Variants in NMNAT1 observed in about 807,000 individuals in gnomAD.
NMNAT1 encodes nicotinamide nucleotide adenylyltransferase 1.
In NMNAT1, 11 loss-of-function variants were observed where a neutral mutation model predicts 16.7. The observed-to-expected ratio is 0.66, with a 90% CI of 0.41 to 1.09. NMNAT1 has a LOEUF of 1.09. Ranked by LOEUF, NMNAT1 falls within the 50% of genes least tolerant of loss-of-function variation. NMNAT1 has a pLI of 0.00. For missense variants in NMNAT1, 280 were observed against 332.3 expected (o/e 0.84, Z 1.22); for synonymous variants, 110 against 119.8 (o/e 0.92, Z 0.53).
chr1:9,973,952 C>T (rs889444886), intron 2 of NMNAT1, among the ~76,000 whole-genome samples: 4 of 151,696 alleles, frequency 2.6e-5, no homozygotes, highest in African/African-American at 9.7e-5. Flanking sequence ...ATTCTTTTGC[C>T]TCAGCCTCCC....
chr1:9,958,503 G>C (rs559264884), intron 1 of NMNAT1, among the ~76,000 whole-genome samples: 1 of 150,662 alleles, frequency 6.6e-6, no homozygotes, highest in African/African-American at 2.4e-5. Context: ...GCAGTGGTGT[G>C]ATCTCAGCTC....
the NMNAT1 span, among the ~76,000 whole-genome samples, chr1:9,996,104 G>A: frequency 6.6e-6 from 1 of 152,088 alleles, no homozygotes; most frequent in Admixed American, 6.6e-5. Context: ...AAGGTCATGA[G>A]ATCGAGACCA....
At chr1:9,943,464 G>A (rs1640871824), upstream of NMNAT1, 1 of 152,418 alleles carries the variant, frequency 6.6e-6, no homozygotes, top group South Asian at 2.1e-4. Context: ...GCTGGCGTCC[G>A]GGCCGCTGGT....
intron 1 of NMNAT1, among the ~76,000 whole-genome samples, chr1:9,966,963 C>T (rs1641559663): frequency 6.6e-6 from 1 of 152,038 alleles, no homozygotes; most frequent in Admixed American, 6.6e-5. Flanking sequence ...GTGGCTCGAG[C>T]CTGTAATCCC....
chr1:9,968,103 G>A (rs1369178588), intron 1 of NMNAT1, among the ~76,000 whole-genome samples: 6 of 107,256 alleles, frequency 5.6e-5, no homozygotes, highest in Admixed American at 3.8e-4. Flanking sequence ...ATGGAGTCTC[G>A]CTCTGTTGCC....
chr1:9,972,178 G>A lies in NMNAT1; in HGVS notation c.105G>A (p.Met35Ile). ...LRLFELAKDY[M>I]NGTGRYTVVK... ...TGTTTGAGCTGGCCAAGGACTACAT[G>A]AATGGAACAGGTAGGAGCAGTAACC... Residue 35 changes from methionine to isoleucine, a missense_variant, in exon 2 of 5, where the codon ATG becomes ATA. By Grantham distance (10) the Met-to-Ile change is conservative. Coordinates refer to ENST00000377205, the MANE Select transcript of NMNAT1 (RefSeq NM_022787.4). 1 of 1,595,592 alleles carries A rather than the reference G, an allele frequency of 6.3e-7. No homozygotes were observed. The highest frequency in any genetic ancestry group is 8.6e-7 in the Non-Finnish European group (1 of 1,163,324).
In NMNAT1 at chr1:9,982,728, T is replaced by C. The variant is rs775092123; in HGVS notation, c.*27T>C. The C allele has an allele frequency of 6.4e-7, 1 of 1,555,024 alleles. No homozygotes were observed. Among genetic ancestry groups the C allele is most frequent in the Admixed American group, 2.0e-5 (1 of 50,718 alleles). ...AATTCTACAGCATGATATTTCAGAC[T>C]TCCCATTTGGGGATCTGAAACAATC... On this transcript the variant is annotated 3_prime_UTR_variant, in exon 5 of 5. Coordinates refer to ENST00000377205, the MANE Select transcript of NMNAT1 (RefSeq NM_022787.4).
At chr1:9,994,793 T>C in the NMNAT1 span, among the ~76,000 whole-genome samples, 4 of 151,882 alleles carry the variant, frequency 2.6e-5, no homozygotes, top group Admixed American at 2.0e-4. Context: ...TTTGTATTTT[T>C]AGTAGAGACA....
chr1:9,967,961 G>C (rs1641589427), intron 1 of NMNAT1, among the ~76,000 whole-genome samples: 1 of 151,972 alleles, frequency 6.6e-6, no homozygotes, highest in Admixed American at 6.6e-5. Flanking sequence ...GGACAACAGA[G>C]TGAGATACTG....
Position 9,982,566 on chromosome 1 carries a change from C to T in NMNAT1, c.705C>T (p.Ser235=). Residue 235 remains serine, a synonymous_variant, in exon 5 of 5, where the codon AGC becomes AGT. Transcript: ENST00000377205. ...GGAGAGCCCTCAGAAGGGGCCAGAG[C>T]ATTCGCTACTTGGTACCAGATCTTG... ...KIRRALRRGQ[S]IRYLVPDLVQ... is the part of the protein sequence containing the mutation. 1.2e-6 allele frequency: 2 copies of T among 1,614,188 alleles called. No homozygotes were observed. The highest frequency in any genetic ancestry group is 1.7e-6 in the Non-Finnish European group (2 of 1,180,044).
rs552473489 is a variant in NMNAT1, at chr1:9,948,802, A to G, written c.-57+5287A>G. On this transcript the variant is annotated intron_variant, in intron 1 of 4. Transcript: ENST00000377205. The stretch of plus-strand genomic sequence containing the variant: ...GTAGCTGGTACAGGCACCCGCCACC[A>G]TGCCTGGCTAATTTTTTGTATTTTT... 2.8e-4 allele frequency among the ~76,000 whole-genome samples: 43 copies of G among 151,646 alleles called. No individual in the cohort carries two copies. In the South Asian group the frequency reaches 7.7e-3, roughly 27 times the overall value.
chr1:9,957,904 TCA>T, intron 1 of NMNAT1, among the ~76,000 whole-genome samples: 2 of 152,324 alleles, frequency 1.3e-5, no homozygotes, highest in South Asian at 4.1e-4. Flanking sequence ...GGCGTGCCTG[TCA>T]CCCTCAGCCC....
At position 9,982,461 on chromosome 1, in the gene NMNAT1, G is replaced by A. The variant is rs757767085; in HGVS notation, c.600G>A (p.Ser200=). 8.1e-6 allele frequency: 13 copies of A among 1,613,976 alleles called. No individual in the cohort carries two copies. The highest frequency in any genetic ancestry group is 4.0e-5 in the African/African-American group (3 of 74,904). Residue 200 remains serine, a synonymous_variant, in exon 5 of 5, where the codon TCG becomes TCA. Transcript: ENST00000377205. ...ATGCTCAGAAGTTTATCTATGAATC[G>A]GATGTGCTGTGGAAACACCGGAGCA... The part of the protein sequence containing the change: ...GNDAQKFIYE[S]DVLWKHRSNI...
intron 2 of NMNAT1, among the ~76,000 whole-genome samples, chr1:9,973,278 G>A (rs901366910): frequency 2.6e-5 from 4 of 151,776 alleles, no homozygotes; most frequent in Non-Finnish European, 4.4e-5. Context: ...CACCACGCCC[G>A]GCTAATTTTT....
intron 1 of NMNAT1, among the ~76,000 whole-genome samples, chr1:9,959,748 A>C (rs1198238447): frequency 6.6e-6 from 1 of 152,148 alleles, no homozygotes; most frequent in Non-Finnish European, 1.5e-5. Flanking sequence ...TCTTCACTGT[A>C]AACTATTAAA....
intron 1 of NMNAT1, among the ~76,000 whole-genome samples, chr1:9,969,983 A>G (rs977831683): frequency 2.0e-5 from 3 of 152,168 alleles, no homozygotes; most frequent in Non-Finnish European, 4.4e-5. Flanking sequence ...ACATGCTTCA[A>G]GACAGGAAAA....
chr1:9,943,550 T>C (rs1640877463), intron 1 of NMNAT1, 35 bp downstream of exon 1: 1 of 152,274 alleles, frequency 6.6e-6, no homozygotes, highest in Non-Finnish European at 1.5e-5. Context: ...GAGAAACTGG[T>C]CGCTTTTTGT....
chr1:9,976,847 G>C (rs1306420425), intron 3 of NMNAT1, among the ~76,000 whole-genome samples: 1 of 150,914 alleles, frequency 6.6e-6, no homozygotes, highest in Admixed American at 6.6e-5. Flanking sequence ...GGCTGGTCTT[G>C]AACTTCTGAC....
intron 1 of NMNAT1, among the ~76,000 whole-genome samples, chr1:9,954,336 A>G (rs1641197607): frequency 6.6e-6 from 1 of 151,472 alleles, no homozygotes; most frequent in Non-Finnish European, 1.5e-5. Flanking sequence ...CAACCTCCCA[A>G]GTAGCAGGGA....
Sources: allele counts gnomAD v4.1 joint callset (sites outside exome capture counted in the v4.1 genomes callset), GRCh38; gene constraint gnomAD v4.1.1; transcripts MANE v1.5; gene names NCBI Gene and HGNC (gene_info 2026-07-23, HGNC 2026-07-21).